Variants in SIAE observed in about 807,000 individuals in gnomAD.
The protein encoded by SIAE is sialic acid acetylesterase, also known as sialate O-acetylesterase.
Under a neutral mutation model 52.6 loss-of-function variants are expected in SIAE, and 39 were observed. The observed-to-expected ratio is 0.74, with a 90% CI of 0.57 to 0.97. The LOEUF (loss-of-function observed/expected upper bound fraction) is 0.97, where lower values mean the gene tolerates loss of function less well. Among genes scored for constraint, SIAE ranks in the 50% least tolerant of loss-of-function variants. SIAE has a pLI of 0.00. For missense variants in SIAE, 592 were observed against 662.1 expected (o/e 0.89, Z 1.16); for synonymous variants, 233 against 241.4 (o/e 0.97, Z 0.32).
Position 124,645,774 on chromosome 11 carries a change from T to C in SIAE, c.966+1591A>G, listed in dbSNP as rs1431640940. On this transcript the variant is annotated intron_variant, in intron 7 of 9. Transcript: ENST00000263593. The surrounding 1 kb of genome is among the most constrained non-coding windows in gnomAD (Gnocchi z 4.7). ...GTTTCCACCAACAGGGATGCAGAAC[T>C]GGTGACAGGAGCTGCTACTTTGAAA... is the stretch of plus-strand genomic sequence containing the variant. Among the ~76,000 whole-genome samples the C allele has an allele frequency of 3.3e-5, 5 of 152,236 alleles. No individual in the cohort carries two copies. Among genetic ancestry groups the C allele is most frequent in the African/African-American group, 1.2e-4 (5 of 41,466 alleles).
chr11:124,643,847 G>A (rs1942887460), intron 7 of SIAE, among the ~76,000 whole-genome samples: 1 of 152,052 alleles, frequency 6.6e-6, no homozygotes, highest in African/African-American at 2.4e-5. Context: ...GTCTGGGCCA[G>A]CAACAACATT....
intron 5 of SIAE, among the ~76,000 whole-genome samples, chr11:124,648,742 G>A (rs1403317382): frequency 2.4e-5 from 3 of 122,964 alleles, no homozygotes; most frequent in East Asian, 2.4e-4. Flanking sequence ...TAGCTGCTGC[G>A]TGTGAGAAGC....
At chr11:124,650,331 C>T (rs1246493461) in intron 4 of SIAE, among the ~76,000 whole-genome samples, 4 of 152,170 alleles carry the variant, frequency 2.6e-5, no homozygotes, top group African/African-American at 9.7e-5. Context: ...GCCATCATGT[C>T]CCCATGCTAC....
At chr11:124,671,998 G>A (rs376718474) in intron 1 of SIAE, among the ~76,000 whole-genome samples, 1 of 150,104 alleles carries the variant, frequency 6.7e-6, no homozygotes, top group Non-Finnish European at 1.5e-5. Flanking sequence ...GGCTGGTCTC[G>A]AACTCCTGAC....
At chr11:124,655,125 T>C (rs1046602379) in intron 3 of SIAE, among the ~76,000 whole-genome samples, 9 of 151,960 alleles carry the variant, frequency 5.9e-5, no homozygotes, top group Admixed American at 1.3e-4. Flanking sequence ...GAAATATTTC[T>C]ACTCTGAAAA....
chr11:124,674,643 G>A, upstream of SIAE: 1 of 152,156 alleles, frequency 6.6e-6, no homozygotes, highest in Non-Finnish European at 1.5e-5. Context: ...TTAGAGGCTG[G>A]GATTTCAAAA....
rs765592991 is a variant in SIAE at position 124,647,427 on chromosome 11, C to T, written c.904G>A (p.Glu302Lys). 5.6e-6 allele frequency: 9 copies of T among 1,614,216 alleles called. No homozygotes were observed. The highest frequency in any genetic ancestry group is 7.6e-6 in the Non-Finnish European group (9 of 1,180,042). ...TFPALIEDWR[E>K]TFHRGSQGQT... ...CCCTGGGAACCACGGTGGAAGGTTT[C>T]ACGCCAGTCTTCGATGAGTGCAGGG... The change falls in exon 7 of 10, where the codon GAA becomes AAA. Residue 302 changes from glutamate to lysine, a missense_variant. Glu to Lys is a moderately conservative substitution (Grantham distance 56). Transcript: ENST00000263593.
Position 124,654,692 on chromosome 11 carries a change from A to G in SIAE, c.507T>C (p.Leu169=), listed in dbSNP as rs748453089. Residue 169 remains leucine (L), a synonymous_variant, in exon 4 of 10, where the codon CTT becomes CTC. Transcript: ENST00000263593. ...TAGACCACTGCAAGTCAACCGCAAC[A>G]AGGTCCTCCAGCTCCTGCTCTGCTT... ...PIQAEQELED[L]VAVDLQWSKP... is the part of the protein sequence containing the mutation. 5.9e-5 allele frequency: 95 copies of G among 1,614,156 alleles called. 2 individuals are homozygous for G. In the South Asian group the frequency reaches 9.9e-4, roughly 17 times the overall value.
chr11:124,639,415 A>C (rs1322712305), intron 8 of SIAE, among the ~76,000 whole-genome samples: 1 of 152,220 alleles, frequency 6.6e-6, no homozygotes, highest in Non-Finnish European at 1.5e-5. Context: ...CTTTAAGATG[A>C]CTATGGAAGC....
chr11:124,660,044 C>G (rs1943163121), intron 3 of SIAE: 1 of 161,954 alleles, frequency 6.2e-6, no homozygotes, highest in Non-Finnish European at 1.3e-5. Flanking sequence ...AATCCCAGCA[C>G]TTTGGGAGGC....
At chr11:124,641,144 G>A (rs1942838961) in intron 7 of SIAE, among the ~76,000 whole-genome samples, 1 of 152,196 alleles carries the variant, frequency 6.6e-6, no homozygotes, top group African/African-American at 2.4e-5. Context: ...ATGGGTTTAT[G>A]TTTCATAAAC....
upstream of SIAE, chr11:124,675,337 C>T (rs191029144): frequency 6.7e-5 from 108 of 1,614,170 alleles, no homozygotes; most frequent in East Asian, 2.1e-3. Flanking sequence ...AGGGCTGACA[C>T]GCGAGATTCT....
rs1420007982 is a variant in SIAE, at chr11:124,633,709, A to G, written c.*3242T>C. On this transcript the variant is annotated 3_prime_UTR_variant, in exon 10 of 10. Transcript: ENST00000263593. ...ATGTAAAAGAAACAAACTTTGTATA[A>G]TAGCAAATCGGGAAGGGGACTGCTT... is the stretch of plus-strand genomic sequence containing the variant. The G allele has an allele frequency of 6.7e-6, 1 of 149,656 alleles. No individual in the cohort carries two copies. The highest frequency in any genetic ancestry group is 2.6e-5 in the African/African-American group (1 of 38,950). 9.3% of individuals were successfully genotyped at this position (149,656 alleles called of 1,614,324 possible). A position where few individuals can be genotyped will look rare whatever the true frequency, so the allele number is the denominator to read the frequency against.
At chr11:124,637,563 A>AGCT (rs1379367761) in intron 9 of SIAE, among the ~76,000 whole-genome samples, 16 of 152,212 alleles carry the variant, frequency 1.1e-4, no homozygotes, top group Admixed American at 1.0e-3. Flanking sequence ...AGAGTGGCCC[A>AGCT]GCTGCTGCTG....
At chr11:124,644,365 A>AAC (rs1262846509) in intron 7 of SIAE, among the ~76,000 whole-genome samples, 1 of 151,682 alleles carries the variant, frequency 6.6e-6, no homozygotes, top group African/African-American at 2.4e-5. Flanking sequence ...AAAAAAAAAA[A>AAC]AAAAAAAAAC....
intron 7 of SIAE, among the ~76,000 whole-genome samples, chr11:124,644,479 T>C (rs1942901069): frequency 6.6e-6 from 1 of 152,276 alleles, no homozygotes. Flanking sequence ...AATTCACTTT[T>C]TCATTGACTG....
intron 4 of SIAE, among the ~76,000 whole-genome samples, chr11:124,652,317 C>A (rs962597199): frequency 6.6e-6 from 1 of 152,116 alleles, no homozygotes; most frequent in African/African-American, 2.4e-5. Flanking sequence ...TGTCCTGGCT[C>A]ATCTAGGTGC....
At chr11:124,659,659 G>C (rs948428222) in intron 3 of SIAE, 2 of 120,942 alleles carry the variant, frequency 1.7e-5, no homozygotes, top group Non-Finnish European at 3.4e-5. Context: ...GGGGGGGGGG[G>C]GGCTTCCGTA....
intron 1 of SIAE, 146 bp downstream of exon 1, chr11:124,673,496 C>T (rs2134399724): frequency 1.1e-6 from 1 of 905,084 alleles, no homozygotes; most frequent in Non-Finnish European, 1.7e-6. Flanking sequence ...GACCGGGCCT[C>T]GGTCGGAGAC....
Sources: allele counts gnomAD v4.1 joint callset (sites outside exome capture counted in the v4.1 genomes callset), GRCh38; gene constraint gnomAD v4.1.1; non-coding constraint Gnocchi (gnomAD v3.1); transcripts MANE v1.5; gene names NCBI Gene and HGNC (gene_info 2026-07-23, HGNC 2026-07-21).